CACNA1S: variants seen among roughly 807,000 people sequenced by gnomAD.
CACNA1S encodes calcium voltage-gated channel subunit alpha1 S, also known as voltage-dependent L-type calcium channel subunit alpha-1S.
In CACNA1S, 126 loss-of-function variants were observed where a neutral mutation model predicts 207.4. That is an observed-to-expected ratio of 0.61 (90% CI 0.53 to 0.70). The LOEUF (loss-of-function observed/expected upper bound fraction) is 0.70. CACNA1S is among the 30% of genes least tolerant of loss of function. The pLI, the probability that CACNA1S is intolerant of heterozygous loss-of-function variation, is 0.00. For missense variants in CACNA1S, 2,349 were observed against 2,422.8 expected (o/e 0.97, Z 0.64); for synonymous variants, 960 against 932.7 (o/e 1.03, Z -0.53).
At chr1:201,111,326 A>C (rs1277964683) in intron 1 of CACNA1S, among the ~76,000 whole-genome samples, 1 of 152,130 alleles carries the variant, frequency 6.6e-6, no homozygotes, top group Non-Finnish European at 1.5e-5. Flanking sequence ...AACTCTTCAG[A>C]AATATTTCAA....
chr1:201,061,867 GC>G, intron 24 of CACNA1S, 76 bp downstream of exon 24: 1 of 1,525,914 alleles, frequency 6.6e-7, no homozygotes, highest in Non-Finnish European at 9.1e-7. Context: ...CACCGTGGGG[GC>G]TGCAGAAGGG....
At chr1:201,058,229 T>C (rs773900749) in intron 28 of CACNA1S, among the ~76,000 whole-genome samples, 179 bp downstream of exon 28, 7 of 152,240 alleles carry the variant, frequency 4.6e-5, no homozygotes, top group Non-Finnish European at 1.0e-4. Flanking sequence ...GTATCTGAGT[T>C]ACCTCTCTGC....
intron 40 of CACNA1S, among the ~76,000 whole-genome samples, chr1:201,042,673 T>C (rs1438926529): frequency 6.6e-6 from 1 of 152,216 alleles, no homozygotes; most frequent in Non-Finnish European, 1.5e-5. Flanking sequence ...GCTGCCTTGT[T>C]CTGCTTATTC....
intron 10 of CACNA1S, 145 bp from the exon 11 acceptor site, chr1:201,078,249 G>A (rs1661706397): frequency 2.7e-6 from 2 of 727,356 alleles, no homozygotes; most frequent in East Asian, 2.6e-5. Context: ...GCAGGGGGCA[G>A]GGCCTCACTC....
chr1:201,062,160 G>A, intron 23 of CACNA1S, 70 bp from the exon 24 acceptor site: 2 of 1,566,896 alleles, frequency 1.3e-6, no homozygotes, highest in Non-Finnish European at 1.7e-6. Context: ...CATCCTCTGG[G>A]CCCTGGGTGG....
In CACNA1S at chr1:201,077,026, G is replaced by C; in HGVS notation, c.1721C>G (p.Ala574Gly). 6.2e-7 allele frequency: 1 copy of C among 1,614,136 alleles called. No individual in the cohort carries two copies. The highest frequency in any genetic ancestry group is 8.5e-7 in the Non-Finnish European group (1 of 1,180,022). ...CCCAAAGAGCTGCATGCCCAGGAGG[G>C]CGAAGATGACGATGAAGAGGAAGAG... ...LLLFLFIVIF[A>G]LLGMQLFGGR... Residue 574 changes from alanine to glycine, a missense_variant, in exon 12 of 44, where the codon GCC becomes GGC. Coordinates refer to ENST00000362061, the MANE Select transcript of CACNA1S (RefSeq NM_000069.3).
chr1:201,089,168 C>G (rs1215435877), intron 6 of CACNA1S, 90 bp downstream of exon 6: 3 of 1,233,700 alleles, frequency 2.4e-6, no homozygotes, highest in Non-Finnish European at 3.5e-6. Flanking sequence ...AGACTGGCCT[C>G]CTGTGTGGAC....
In CACNA1S at chr1:201,066,720, C is replaced by T. The variant is rs1661253933; in HGVS notation, c.2657+167G>A. On this transcript the variant is annotated intron_variant, in intron 20 of 43. Transcript: ENST00000362061. The surrounding 1 kb of genome is among the most constrained non-coding windows in gnomAD (Gnocchi z 4.3). ...TGCCCACTTCACTGGTGGCAACCCA[C>T]ATTCCAGCTGGTGACAACCCACAGG... Among the ~76,000 whole-genome samples, 1 of 152,242 alleles carries T rather than the reference C, an allele frequency of 6.6e-6. No homozygotes were observed. Among genetic ancestry groups the T allele is most frequent in the Non-Finnish European group, 1.5e-5 (1 of 68,042 alleles).
At chr1:201,081,725 T>G (rs561177126) in intron 10 of CACNA1S, among the ~76,000 whole-genome samples, 153 of 152,310 alleles carry the variant, frequency 1.0e-3, no homozygotes, top group African/African-American at 3.6e-3. Context: ...GTGTTTGGAT[T>G]GTGGGGACAG....
chr1:201,075,448 C>A, intron 13 of CACNA1S, 47 bp downstream of exon 13: 2 of 1,600,392 alleles, frequency 1.2e-6, no homozygotes, highest in South Asian at 1.1e-5. Flanking sequence ...CCCTTTCCCC[C>A]ACCCCCTCCC....
chr1:201,086,759 C>A (rs2102156509), intron 7 of CACNA1S, among the ~76,000 whole-genome samples: 1 of 152,330 alleles, frequency 6.6e-6, no homozygotes, highest in South Asian at 2.1e-4. Flanking sequence ...AACTCATTAG[C>A]AAGATCTAGC....
chr1:201,089,261 G>C lies in CACNA1S; in HGVS notation c.897C>G (p.Tyr299Ter), dbSNP rs1572059904. ...ITMEGWTDVLYWVNDAIGNEW... is the reference protein window; with the variant it reads ...ITMEGWTDVL ...GCAGGCGCGGGCCCAGACCCACCCA[G>C]TAAAGGACGTCAGTCCATCCCTCCA... Residue 299 changes from tyrosine to a stop codon, truncating the protein, a stop_gained, in exon 6 of 44, where the codon TAC becomes TAG. Transcript: ENST00000362061. LOFTEE classifies it high-confidence loss of function. The C allele has an allele frequency of 2.5e-6, 4 of 1,614,186 alleles. No individual in the cohort carries two copies. Among genetic ancestry groups the C allele is most frequent in the Non-Finnish European group, 3.4e-6 (4 of 1,179,962 alleles).
At chr1:201,111,700 C>T (rs149834769) in intron 1 of CACNA1S, among the ~76,000 whole-genome samples, 8 of 152,284 alleles carry the variant, frequency 5.3e-5, no homozygotes, top group African/African-American at 1.2e-4. Context: ...AAGAGGCCAT[C>T]GCATCTTTTT....
intron 2 of CACNA1S, among the ~76,000 whole-genome samples, chr1:201,102,724 A>G (rs1213689450): frequency 2.0e-5 from 3 of 152,228 alleles, no homozygotes; most frequent in African/African-American, 7.2e-5. Context: ...CATAGCTACC[A>G]AGAGGCAGAG....
chr1:201,047,399 G>T, intron 37 of CACNA1S, 126 bp downstream of exon 37: 2 of 1,241,664 alleles, frequency 1.6e-6, no homozygotes, highest in Non-Finnish European at 2.3e-6. Flanking sequence ...GATGCCCGTG[G>T]GATCTACCTA....
intron 2 of CACNA1S, among the ~76,000 whole-genome samples, chr1:201,100,577 T>G (rs1662615612): frequency 6.6e-6 from 1 of 152,080 alleles, no homozygotes; most frequent in African/African-American, 2.4e-5. Flanking sequence ...CCTCTTCCCC[T>G]CCCTGTACAG....
chr1:201,046,862 C>T (rs1240835731), intron 38 of CACNA1S, among the ~76,000 whole-genome samples: 3 of 152,200 alleles, frequency 2.0e-5, no homozygotes, highest in African/African-American at 4.8e-5. Flanking sequence ...TCTAACTTGT[C>T]TCTCCCTTGA....
At chr1:201,099,252 C>T (rs894493241) in intron 2 of CACNA1S, among the ~76,000 whole-genome samples, 23 of 152,352 alleles carry the variant, frequency 1.5e-4, no homozygotes, top group Middle Eastern at 3.4e-3. Flanking sequence ...TCTTCCCCTG[C>T]AATCCTACCC....
At position 201,066,147 on chromosome 1, in the gene CACNA1S, C is replaced by G; in HGVS notation, c.2745+82G>C. On this transcript the variant is annotated intron_variant, in intron 21 of 43. Transcript: ENST00000362061. The surrounding 1 kb of genome is among the most constrained non-coding windows in gnomAD (Gnocchi z 4.3). ...GATGGGACAGGGGTCCCAGCCATGG[C>G]TGGGCTGAGGTTTCTGGAGCGAGGA... 2.2e-6 allele frequency: 3 copies of G among 1,370,914 alleles called. No homozygotes were observed. Among genetic ancestry groups the G allele is most frequent in the Non-Finnish European group, 2.1e-6 (2 of 960,880 alleles). 84.9% of individuals were successfully genotyped at this position (1,370,914 alleles called of 1,614,324 possible).
Sources: gnomAD v4.1 joint callset for allele counts (sites outside exome capture counted in the v4.1 genomes callset) on GRCh38, gnomAD v4.1.1 for gene constraint, Gnocchi (gnomAD v3.1) non-coding constraint, MANE v1.5 for transcripts, NCBI Gene and HGNC (gene_info 2026-07-23, HGNC 2026-07-21) for gene names.